The following GNMT variants were observed in gnomAD, a reference collection of about 807,000 sequenced individuals.
The protein encoded by GNMT is glycine N-methyltransferase.
GNMT carries 26 observed loss-of-function variants against 30.2 expected under a neutral mutation model. The observed-to-expected ratio is 0.86, with a 90% CI of 0.63 to 1.19. GNMT has a LOEUF of 1.19. Among genes scored for constraint, GNMT ranks in the 50% most tolerant of loss-of-function variants. The probability of loss-of-function intolerance (pLI) is 0.00; values close to 1 mark genes in which losing one functional copy is unlikely to be tolerated. For missense variants in GNMT, 365 were observed against 398.1 expected (o/e 0.92, Z 0.71); for synonymous variants, 163 against 163.8 (o/e 1.00, Z 0.04).
chr6:42,963,025 G>A (rs769917180), intron 3 of GNMT, 47 bp from the exon 4 acceptor site: 1 of 1,609,118 alleles, frequency 6.2e-7, no homozygotes, highest in South Asian at 1.1e-5. Context: ...GACTGGTGCT[G>A]GGGGCCCTGA....
chr6:42,961,055 G>A (rs927432301), intron 1 of GNMT, 82 bp downstream of exon 1: 7 of 1,207,026 alleles, frequency 5.8e-6, no homozygotes, highest in Non-Finnish European at 7.9e-6. Flanking sequence ...GAACCACAGG[G>A]CCGGGCACGT....
At position 42,963,360 on chromosome 6, in the gene GNMT, G is replaced by A. The variant is rs756998914; in HGVS notation, c.627G>A (p.Val209=). 4 of 1,613,106 alleles carry A rather than the reference G, an allele frequency of 2.5e-6. No individual in the cohort carries two copies. The highest frequency in any genetic ancestry group is 3.4e-6 in the Non-Finnish European group (4 of 1,179,608). Residue 209 remains valine, a synonymous_variant, in exon 5 of 6, where the codon GTG becomes GTA. Coordinates refer to ENST00000372808, the MANE Select transcript of GNMT (RefSeq NM_018960.6). ...TGACCAAGGACGTCACAACATCAGT[G>A]CTGATAGTGAACAACAAGGCCCACA... ...SDLTKDVTTS[V]LIVNNKAHMV...
chr6:42,960,782 G>A lies in GNMT; in HGVS notation c.15G>A (p.Val5=). 2 of 1,545,430 alleles carry A rather than the reference G, an allele frequency of 1.3e-6. No individual in the cohort carries two copies. The highest frequency in any genetic ancestry group is 1.7e-6 in the Non-Finnish European group (2 of 1,146,500). The part of the protein sequence containing the change: MVDS[V]YRTRSLGVAA... ...CGCGGCGCAGGATGGTGGACAGCGT[G>A]TACCGGACCCGCTCCCTGGGGGTGG... Residue 5 remains valine, a synonymous_variant, in exon 1 of 6, where the codon GTG becomes GTA. Coordinates refer to ENST00000372808, the MANE Select transcript of GNMT (RefSeq NM_018960.6).
rs1239548597 is a variant in GNMT at position 42,963,397 on chromosome 6, G to GACTATAC, written c.665_671dup (p.Val225LeufsTer18). 6.2e-7 allele frequency: 1 copy of GACTATAC among 1,613,786 alleles called. No individual in the cohort carries two copies. The highest frequency in any genetic ancestry group is 2.2e-5 in the East Asian group (1 of 44,886). The stretch of plus-strand genomic sequence containing the variant: ...CAACAAGGCCCACATGGTGACCCTG[G>GACTATAC]ACTATACGGTGCAGGTGCCGGGGGC... On this transcript the variant is annotated frameshift_variant, in exon 5 of 6. Transcript: ENST00000372808. LOFTEE classifies it high-confidence loss of function.
chr6:42,963,454 C>A lies in GNMT; in HGVS notation c.716+5C>A. 1 of 1,609,032 alleles carries A rather than the reference C, an allele frequency of 6.2e-7. No homozygotes were observed. Among genetic ancestry groups the A allele is most frequent in the Non-Finnish European group, 8.5e-7 (1 of 1,179,474 alleles). On this transcript the variant is annotated splice_donor_5th_base_variant and intron_variant, in intron 5 of 5. Transcript: ENST00000372808. ...GGATGGCTCTCCTGGCTTGAGGTAC[C>A]ACTTGGCTTAGTGGGGGTGAGGCGG...
At chr6:42,962,951 T>A in intron 3 of GNMT, 73 bp downstream of exon 3, 1 of 1,575,418 alleles carries the variant, frequency 6.3e-7, no homozygotes, top group Non-Finnish European at 8.7e-7. Flanking sequence ...GCACCTGCTC[T>A]CCTGCCAAAG....
rs753327439 is a variant in GNMT at position 42,963,080 on chromosome 6, A to G, written c.460A>G (p.Ser154Gly). 2 of 1,612,018 alleles carry G rather than the reference A, an allele frequency of 1.2e-6. No homozygotes were observed. The highest frequency in any genetic ancestry group is 1.1e-5 in the South Asian group (1 of 91,006). The change falls in exon 4 of 6, where the codon AGT becomes GGT. Residue 154 changes from serine to glycine, a missense_variant. Physicochemically the swap from Ser to Gly is moderately conservative, Grantham distance 56 (BLOSUM62 0). Around this residue, in one of 3 missense-constraint regions of GNMT, gnomAD observed 232 missense variants for 263.0 expected, o/e 0.88. Transcript: ENST00000372808. Reference protein sequence around the residue: ...AHLPDCKGDQSEHRLALKNIA... With the variant: ...AHLPDCKGDQGEHRLALKNIA... The stretch of plus-strand genomic sequence containing the variant: ...CCGTGCCTGGAGCTCAGGGGACCAG[A>G]GTGAGCACCGGCTGGCGCTGAAAAA...
chr6:42,961,550 C>CTTTTTTTTTTTTTTT (rs575786265), intron 1 of GNMT, among the ~76,000 whole-genome samples: 2 of 130,640 alleles, frequency 1.5e-5, no homozygotes, highest in Admixed American at 1.7e-4. Flanking sequence ...CTATTTTTCT[C>CTTTTTTTTTTTTTTT]TTTTTTTTTT....
chr6:42,962,467 T>A, intron 2 of GNMT, 128 bp downstream of exon 2: 1 of 1,025,960 alleles, frequency 9.7e-7, no homozygotes, highest in South Asian at 1.5e-5. Context: ...AAAATTACTG[T>A]CATTTCTCTG....
In GNMT at chr6:42,963,784, A is replaced by C. The variant is rs1481565869; in HGVS notation, c.*78A>C. On this transcript the variant is annotated 3_prime_UTR_variant, in exon 6 of 6. Coordinates refer to ENST00000372808, the MANE Select transcript of GNMT (RefSeq NM_018960.6). ...GGAAGATGGGGACCAGCAGCCCCAC[A>C]CCAGGGCCAGCCTCTAGAGCAGACT... is the stretch of plus-strand genomic sequence containing the variant. 2.9e-6 allele frequency: 4 copies of C among 1,396,944 alleles called. No individual in the cohort carries two copies. The highest frequency in any genetic ancestry group is 4.0e-6 in the Non-Finnish European group (4 of 990,230). 86.5% of individuals were successfully genotyped at this position (1,396,944 alleles called of 1,614,324 possible).
rs975208269 is a variant in GNMT, at chr6:42,960,929, C to G, written c.162C>G (p.Arg54=). 7 of 1,564,890 alleles carry G rather than the reference C, an allele frequency of 4.5e-6. No homozygotes were observed. The highest frequency in any genetic ancestry group is 6.0e-6 in the Non-Finnish European group (7 of 1,160,244). Reference sequence around the variant, plus strand: ...AGGCATGGCTGCTTGGGCTGCTGCGCCAGCACGGCTGCCAGCGGGTGCTCG... The same window carrying G: ...AGGCATGGCTGCTTGGGCTGCTGCGGCAGCACGGCTGCCAGCGGGTGCTCG... ...EYKAWLLGLL[R]QHGCQRVLDV... Residue 54 remains arginine, a synonymous_variant, in exon 1 of 6, where the codon CGC becomes CGG. Coordinates refer to ENST00000372808, the MANE Select transcript of GNMT (RefSeq NM_018960.6).
intron 3 of GNMT, 80 bp from the exon 4 acceptor site, chr6:42,962,992 G>A: frequency 6.3e-7 from 1 of 1,590,962 alleles, no homozygotes; most frequent in Non-Finnish European, 8.6e-7. Flanking sequence ...TGGCACCCCT[G>A]GGGAGGGGAG....
At position 42,960,779 on chromosome 6, in the gene GNMT, C is replaced by A; in HGVS notation, c.12C>A (p.Ser4Arg). 1 of 1,542,252 alleles carries A rather than the reference C, an allele frequency of 6.5e-7. No individual in the cohort carries two copies. Among genetic ancestry groups the A allele is most frequent in the Admixed American group, 1.9e-5 (1 of 51,452 alleles). The change falls in exon 1 of 6, where the codon AGC becomes AGA. Residue 4 changes from serine to arginine, a missense_variant. Coordinates refer to ENST00000372808, the MANE Select transcript of GNMT (RefSeq NM_018960.6). MVDSVYRTRSLGVA... is the reference protein window; with the variant it reads MVDRVYRTRSLGVA... Reference sequence around the variant, plus strand: ...AGGCGCGGCGCAGGATGGTGGACAGCGTGTACCGGACCCGCTCCCTGGGGG... The same window carrying A: ...AGGCGCGGCGCAGGATGGTGGACAGAGTGTACCGGACCCGCTCCCTGGGGG...
At position 42,963,665 on chromosome 6, in the gene GNMT, A is replaced by G. The variant is rs150118634; in HGVS notation, c.847A>G (p.Ile283Val). 97 of 1,614,148 alleles carry G rather than the reference A, an allele frequency of 6.0e-5. No individual in the cohort carries two copies. The highest frequency in any genetic ancestry group is 1.2e-4 in the Admixed American group (7 of 60,022). Residue 283 changes from isoleucine (I) to valine (V), a missense_variant, in exon 6 of 6, where the codon ATT becomes GTT. Ile to Val is a conservative substitution (Grantham distance 29, BLOSUM62 3). This residue lies in a region of GNMT where 232 missense variants were observed against 263.0 expected (regional missense o/e 0.88). Transcript: ENST00000372808. ...FKPYKPGQTY[I>V]PCYFIHVLKR... ...GCCTTACAAGCCAGGCCAAACCTAC[A>G]TTCCCTGCTACTTCATCCACGTGCT...
intron 1 of GNMT, 26 bp downstream of exon 1, chr6:42,960,999 G>A (rs776049557): frequency 7.8e-5 from 118 of 1,516,934 alleles, no homozygotes; most frequent in Non-Finnish European, 1.0e-4. Flanking sequence ...GGCCGGGGGC[G>A]TTGCATGAGA....
intron 1 of GNMT, 55 bp downstream of exon 1, chr6:42,961,028 T>C: frequency 7.9e-6 from 11 of 1,383,784 alleles, no homozygotes; most frequent in Non-Finnish European, 1.1e-5. Flanking sequence ...TGTCTCAGCC[T>C]GTACTGCGCG....
intron 1 of GNMT, among the ~76,000 whole-genome samples, chr6:42,961,506 A>G (rs1446058850): frequency 6.6e-6 from 1 of 151,452 alleles, no homozygotes; most frequent in African/African-American, 2.4e-5. Context: ...AAAGGAGCTA[A>G]CAGGCCCGGG....
intron 3 of GNMT, 87 bp downstream of exon 3, chr6:42,962,965 ACT>A: frequency 4.4e-6 from 7 of 1,582,360 alleles, no homozygotes; most frequent in Non-Finnish European, 6.1e-6. Flanking sequence ...GCCAAAGCAG[ACT>A]CTCTGCCTTG....
rs1377775172 is a variant in GNMT at position 42,960,936 on chromosome 6, G to C, written c.169G>C (p.Gly57Arg). 4 of 1,564,438 alleles carry C rather than the reference G, an allele frequency of 2.6e-6. No homozygotes were observed. The East Asian group carries it at 7.0e-5, about 27-fold the overall frequency. ...GCTGCTTGGGCTGCTGCGCCAGCAC[G>C]GCTGCCAGCGGGTGCTCGACGTAGC... ...AWLLGLLRQH[G>R]CQRVLDVACG... The change falls in exon 1 of 6, where the codon GGC becomes CGC. Residue 57 changes from glycine (G) to arginine (R), a missense_variant. By Grantham distance (125) the Gly-to-Arg change is moderately radical. This residue lies in a region of GNMT where 125 missense variants were observed against 112.0 expected (regional missense o/e 1.12). Transcript: ENST00000372808.
Sources: gnomAD v4.1 joint callset for allele counts (sites outside exome capture counted in the v4.1 genomes callset) on GRCh38, gnomAD v4.1.1 for gene constraint, gnomAD v4.1.1 regional missense constraint, MANE v1.5 for transcripts, NCBI Gene and HGNC (gene_info 2026-07-23, HGNC 2026-07-21) for gene names.